C12orf56: variants seen among roughly 807,000 people sequenced by gnomAD.
The protein encoded by C12orf56 is uncharacterized protein C12orf56.
In C12orf56, 71 loss-of-function variants were observed where a neutral mutation model predicts 69.9. That is an observed-to-expected ratio of 1.02 (90% CI 0.84 to 1.24). C12orf56 has a LOEUF of 1.24. Among genes scored for constraint, C12orf56 ranks in the 50% most tolerant of loss-of-function variants. The probability of loss-of-function intolerance (pLI) is 0.00; values close to 1 mark genes in which losing one functional copy is unlikely to be tolerated. For missense variants in C12orf56, 732 were observed against 738.5 expected (o/e 0.99, Z 0.10); for synonymous variants, 276 against 274.1 (o/e 1.01, Z -0.07).
intron 5 of C12orf56, among the ~76,000 whole-genome samples, chr12:64,305,763 G>C (rs963550856): frequency 1.5e-4 from 23 of 152,132 alleles, no homozygotes; most frequent in African/African-American, 5.3e-4. Context: ...AAATAAAACA[G>C]GAATAAGTTT....
At chr12:64,370,213 C>A (rs1043067286) in intron 1 of C12orf56, among the ~76,000 whole-genome samples, 1 of 148,296 alleles carries the variant, frequency 6.7e-6, no homozygotes, top group Non-Finnish European at 1.5e-5. Flanking sequence ...GGTGTGGTGG[C>A]GGGCACCTGT....
At chr12:64,372,641 G>A (rs2039587644) in intron 1 of C12orf56, among the ~76,000 whole-genome samples, 1 of 152,154 alleles carries the variant, frequency 6.6e-6, no homozygotes, top group Non-Finnish European at 1.5e-5. Context: ...AGCTTCCTGA[G>A]TAGCTGGGAT....
intron 2 of C12orf56, among the ~76,000 whole-genome samples, chr12:64,332,107 C>T (rs2038938331): frequency 6.6e-6 from 1 of 151,906 alleles, no homozygotes; most frequent in South Asian, 2.1e-4. Flanking sequence ...GAGTTCGAGA[C>T]CAGCCTGGCC....
chr12:64,374,882 A>C (rs996085955), intron 1 of C12orf56, among the ~76,000 whole-genome samples: 51 of 152,068 alleles, frequency 3.4e-4, no homozygotes, highest in African/African-American at 1.2e-3. Flanking sequence ...ACATGTGCAG[A>C]ATGTGCAGGT....
At chr12:64,383,614 A>T (rs992025751) in intron 1 of C12orf56, among the ~76,000 whole-genome samples, 15 of 152,038 alleles carry the variant, frequency 9.9e-5, no homozygotes, top group African/African-American at 3.4e-4. Flanking sequence ...TGACCTCATG[A>T]TCCGCCCACC....
intron 3 of C12orf56, among the ~76,000 whole-genome samples, chr12:64,328,433 C>A (rs1565758221): frequency 6.6e-6 from 1 of 151,872 alleles, no homozygotes; most frequent in Non-Finnish European, 1.5e-5. Context: ...GTAATCCAAG[C>A]ACTTTGGGAG....
intron 1 of C12orf56, among the ~76,000 whole-genome samples, chr12:64,388,231 C>A (rs557583449): frequency 1.3e-5 from 2 of 152,118 alleles, no homozygotes; most frequent in East Asian, 1.9e-4. Flanking sequence ...AGCCACCATG[C>A]CTGGCCCCTT....
chr12:64,379,554 G>A (rs2039684223), intron 1 of C12orf56, among the ~76,000 whole-genome samples: 1 of 151,448 alleles, frequency 6.6e-6, no homozygotes, highest in East Asian at 2.0e-4. Flanking sequence ...CCAAAGTGCT[G>A]GGATTACAGG....
intron 9 of C12orf56, among the ~76,000 whole-genome samples, chr12:64,275,804 C>T (rs2038043403): frequency 6.6e-6 from 1 of 151,808 alleles, no homozygotes; most frequent in African/African-American, 2.4e-5. Flanking sequence ...GACAGGGTCT[C>T]GCTTGTTGCC....
intron 6 of C12orf56, among the ~76,000 whole-genome samples, chr12:64,300,345 T>G (rs1444335615): frequency 1.3e-5 from 2 of 152,130 alleles, no homozygotes; most frequent in African/African-American, 2.4e-5. Context: ...CTTTTTTTGT[T>G]CCACAGCCTA....
At chr12:64,335,428 A>G (rs2136872964) in intron 2 of C12orf56, among the ~76,000 whole-genome samples, 2 of 151,938 alleles carry the variant, frequency 1.3e-5, no homozygotes, top group East Asian at 3.9e-4. Flanking sequence ...AAAAAAAAAA[A>G]AAAAAAAAAA....
In C12orf56 at chr12:64,335,189, G is replaced by A. The variant is rs1207511319; in HGVS notation, c.416-4157C>T. ...CCCAGCACTTTGGGAGGCCGAGGTG[G>A]GCGGATCACCTGAGGTCAGGAGTTC... On this transcript the variant is annotated intron_variant, in intron 2 of 12. Transcript: ENST00000543942. Among the ~76,000 whole-genome samples the A allele has an allele frequency of 2.6e-5, 4 of 152,228 alleles. No homozygotes were observed. The East Asian group carries it at 5.8e-4, about 22-fold the overall frequency.
chr12:64,293,697 G>A (rs533426585), intron 6 of C12orf56, among the ~76,000 whole-genome samples: 1 of 152,246 alleles, frequency 6.6e-6, no homozygotes, highest in East Asian at 1.9e-4. Context: ...AAAATATCAT[G>A]CATCTACCTG....
At chr12:64,369,876 G>A (rs187076290) in intron 1 of C12orf56, among the ~76,000 whole-genome samples, 3 of 151,702 alleles carry the variant, frequency 2.0e-5, no homozygotes, top group Admixed American at 6.6e-5. Context: ...CCAGCTACTC[G>A]GGAGGCTGAG....
chr12:64,366,894 T>TACAGTTTATATATTATATATAAC (rs1565777493), intron 1 of C12orf56, among the ~76,000 whole-genome samples: 2 of 126,376 alleles, frequency 1.6e-5, no homozygotes, highest in Admixed American at 1.8e-4. Context: ...TTATATAACA[T>TACAGTTTATATATTATATATAAC]ACAGTTTATA....
At chr12:64,344,917 A>G (rs2039120646) in intron 2 of C12orf56, among the ~76,000 whole-genome samples, 2 of 152,122 alleles carry the variant, frequency 1.3e-5, no homozygotes, top group Admixed American at 1.3e-4. Flanking sequence ...AACCAAGCAA[A>G]TAAACTATTA....
At chr12:64,314,202 C>G (rs990805377) in intron 4 of C12orf56, among the ~76,000 whole-genome samples, 26 of 152,148 alleles carry the variant, frequency 1.7e-4, no homozygotes, top group African/African-American at 5.8e-4. Context: ...CCTCCTGCCT[C>G]AGCCTCCTGA....
At chr12:64,386,987 G>A (rs1318590868) in intron 1 of C12orf56, among the ~76,000 whole-genome samples, 1 of 147,662 alleles carries the variant, frequency 6.8e-6, no homozygotes, top group Admixed American at 6.9e-5. Context: ...GCTGAGGTGG[G>A]AGAATTGCTT....
rs200046658 is a variant in C12orf56, at chr12:64,325,371, A to AG, written c.488+5588_488+5589insC. Among the ~76,000 whole-genome samples the AG allele has an allele frequency of 6.0e-3, 505 of 84,792 alleles. 2 individuals carry two copies. The highest frequency in any genetic ancestry group is 0.014 in the African/African-American group (308 of 22,434). 55.6% of individuals were successfully genotyped at this position (84,792 alleles called of 152,430 possible). ...GAGCAAGACCCTGTCTAAAAAAAAA[A>AG]AAAGAAGAAGAAGAAGAAGAAAAGA... On this transcript the variant is annotated intron_variant, in intron 3 of 12. Coordinates refer to ENST00000543942, the MANE Select transcript of C12orf56 (RefSeq NM_001170633.2).
Sources: gnomAD v4.1 joint callset for allele counts (sites outside exome capture counted in the v4.1 genomes callset) on GRCh38, gnomAD v4.1.1 for gene constraint, MANE v1.5 for transcripts, NCBI Gene and HGNC (gene_info 2026-07-23, HGNC 2026-07-21) for gene names.